APBB2: variants seen among roughly 807,000 people sequenced by gnomAD.
APBB2 encodes the protein Fe65-like 1.
Under a neutral mutation model 82.5 loss-of-function variants are expected in APBB2, and 38 were observed. The ratio of observed to expected loss-of-function variants is 0.46; its 90% CI spans 0.36 to 0.60. APBB2 has a LOEUF of 0.60. Among genes scored for constraint, APBB2 ranks in the 20% least tolerant of loss-of-function variants. The pLI is 0.00. For missense variants in APBB2, 772 were observed against 972.3 expected (o/e 0.79, Z 2.74); for synonymous variants, 341 against 368.2 (o/e 0.93, Z 0.85).
chr4:41,026,593 T>A (rs568941339), intron 5 of APBB2, among the ~76,000 whole-genome samples: 50 of 152,350 alleles, frequency 3.3e-4, no homozygotes, highest in East Asian at 1.9e-4. Flanking sequence ...TATAATGAGA[T>A]CTTTTGTGAC....
intron 1 of APBB2, among the ~76,000 whole-genome samples, chr4:41,212,481 T>C (rs1314575271): frequency 6.6e-6 from 1 of 152,182 alleles, no homozygotes; most frequent in African/African-American, 2.4e-5. Flanking sequence ...CAATTACCAC[T>C]TTATAAAAAT....
chr4:40,861,882 T>A (rs1047128156), intron 12 of APBB2, among the ~76,000 whole-genome samples: 6 of 152,242 alleles, frequency 3.9e-5, no homozygotes, highest in Non-Finnish European at 7.3e-5. Flanking sequence ...CCAGACATGC[T>A]TTAAATAAAA....
chr4:41,042,737 C>T (rs2154448514), intron 4 of APBB2, among the ~76,000 whole-genome samples: 2 of 152,332 alleles, frequency 1.3e-5, no homozygotes, highest in Middle Eastern at 6.8e-3. Context: ...CTGCAAAGAT[C>T]AGCAGATCTG....
At chr4:40,903,470 AAAAT>A (rs1422540765) in intron 10 of APBB2, among the ~76,000 whole-genome samples, 3 of 152,198 alleles carry the variant, frequency 2.0e-5, no homozygotes, top group Non-Finnish European at 4.4e-5. Context: ...CCGTCTCAAA[AAAAT>A]AAATAGATAA....
chr4:41,000,059 A>ATGTGTGTGTGTGTGTGTGTG (rs1307419146), intron 6 of APBB2, among the ~76,000 whole-genome samples: 7 of 92,968 alleles, frequency 7.5e-5, no homozygotes, highest in Admixed American at 1.2e-4. Flanking sequence ...ATATGTATAT[A>ATGTGTGTGTGTGTGTGTGTG]TATGTGTGTA....
intron 1 of APBB2, among the ~76,000 whole-genome samples, chr4:41,190,082 C>T (rs1004312932): frequency 6.6e-6 from 1 of 150,660 alleles, no homozygotes; most frequent in African/African-American, 2.5e-5. Context: ...CTTACACGTG[C>T]TATTATTTTT....
At chr4:41,152,592 T>C (rs1463083984) in intron 1 of APBB2, among the ~76,000 whole-genome samples, 3 of 152,144 alleles carry the variant, frequency 2.0e-5, no homozygotes, top group Non-Finnish European at 2.9e-5. Context: ...CCTCCCAAAG[T>C]GCTGGGATTA....
At chr4:40,947,382 C>G (rs1788740500) in intron 6 of APBB2, among the ~76,000 whole-genome samples, 1 of 152,200 alleles carries the variant, frequency 6.6e-6, no homozygotes, top group South Asian at 2.1e-4. Flanking sequence ...GTTGTCTTTA[C>G]CACTGAGACA....
At chr4:41,065,115 C>T (rs1222244252) in intron 4 of APBB2, among the ~76,000 whole-genome samples, 2 of 151,210 alleles carry the variant, frequency 1.3e-5, no homozygotes, top group African/African-American at 4.9e-5. Flanking sequence ...AGCAAGACCC[C>T]ATCTCTACAA....
intron 2 of APBB2, among the ~76,000 whole-genome samples, chr4:41,123,509 C>T (rs773290723): frequency 4.6e-5 from 7 of 152,120 alleles, no homozygotes; most frequent in Non-Finnish European, 7.3e-5. Flanking sequence ...CAGCACACTG[C>T]ACAGTAAACA....
chr4:41,204,474 G>C (rs1032901658), intron 1 of APBB2, among the ~76,000 whole-genome samples: 2 of 152,156 alleles, frequency 1.3e-5, no homozygotes, highest in African/African-American at 4.8e-5. Flanking sequence ...GGAACCATAA[G>C]ATAGAGGTCC....
intron 17 of APBB2, among the ~76,000 whole-genome samples, chr4:40,818,682 G>A (rs1312157705): frequency 1.3e-5 from 2 of 152,146 alleles, no homozygotes; most frequent in Admixed American, 1.3e-4. Flanking sequence ...TATTCAGGGT[G>A]TCTGAGTTAG....
At chr4:41,059,882 C>A (rs1729177255) in intron 4 of APBB2, among the ~76,000 whole-genome samples, 1 of 151,926 alleles carries the variant, frequency 6.6e-6, no homozygotes, top group Non-Finnish European at 1.5e-5. Context: ...TAGAGTCTCC[C>A]CGACCAAGCT....
chr4:40,939,425 G>A (rs571896888), intron 7 of APBB2, among the ~76,000 whole-genome samples: 99 of 152,096 alleles, frequency 6.5e-4, no homozygotes, highest in African/African-American at 2.1e-3. Flanking sequence ...GTCTTTCCAC[G>A]AAAGAAAAAG....
chr4:40,928,428 AAT>A (rs1783231787), intron 10 of APBB2, among the ~76,000 whole-genome samples: 1 of 54,080 alleles, frequency 1.8e-5, no homozygotes, highest in South Asian at 4.9e-4. Context: ...ACACACACAC[AAT>A]CAGCCAGGTG....
rs1187925944 is a variant in APBB2 at position 41,134,156 on chromosome 4, A to C, written c.-261+8831T>G. Among the ~76,000 whole-genome samples, 4 of 152,026 alleles carry C rather than the reference A, an allele frequency of 2.6e-5. No individual in the cohort carries two copies. In the East Asian group the frequency reaches 7.8e-4, roughly 30 times the overall value. ...TGGCTAATTTTTTTTTAAGTTAATT[A>C]ATTTTTTGTAGAGATAGGTTGTCCT... On this transcript the variant is annotated intron_variant, in intron 2 of 17. Coordinates refer to ENST00000508593, the MANE Select transcript of APBB2 (RefSeq NM_004307.2).
intron 12 of APBB2, among the ~76,000 whole-genome samples, chr4:40,858,073 G>T (rs1761854851): frequency 6.6e-6 from 1 of 151,984 alleles, no homozygotes; most frequent in South Asian, 2.1e-4. Context: ...TTGAAGCCAA[G>T]ATCCCACAGG....
chr4:40,875,817 A>T (rs1193386929), intron 12 of APBB2, among the ~76,000 whole-genome samples: 2 of 152,164 alleles, frequency 1.3e-5, no homozygotes, highest in Admixed American at 6.5e-5. Context: ...AAAAAAAAAT[A>T]ACCCCAAAGG....
At chr4:41,106,466 T>TC (rs1430437440) in intron 2 of APBB2, among the ~76,000 whole-genome samples, 1 of 150,922 alleles carries the variant, frequency 6.6e-6, no homozygotes, top group East Asian at 2.0e-4. Context: ...TAGGCACTTT[T>TC]TTTTGTTTCT....
Sources: allele counts gnomAD v4.1 joint callset (sites outside exome capture counted in the v4.1 genomes callset), GRCh38; gene constraint gnomAD v4.1.1; transcripts MANE v1.5; gene names NCBI Gene and HGNC (gene_info 2026-07-23, HGNC 2026-07-21).